The following GUCY1A1 variants were observed in gnomAD, a reference collection of about 807,000 sequenced individuals.
GUCY1A1 encodes guanylate cyclase soluble subunit alpha-1.
Under a neutral mutation model 64.5 loss-of-function variants are expected in GUCY1A1, and 48 were observed. The observed-to-expected ratio is 0.74, with a 90% CI of 0.59 to 0.95. The LOEUF (loss-of-function observed/expected upper bound fraction) is 0.95, where lower values mean the gene tolerates loss of function less well. Ranked by LOEUF, GUCY1A1 falls within the 40% of genes least tolerant of loss-of-function variation. The pLI is 0.00. For synonymous variants in GUCY1A1, 308 were observed against 303.4 expected (o/e 1.02, Z -0.16); for missense variants, 804 against 825.3 (o/e 0.97, Z 0.32).
intron 9 of GUCY1A1, among the ~76,000 whole-genome samples, chr4:155,722,761 A>G (rs144370652): frequency 2.0e-5 from 3 of 152,302 alleles, no homozygotes; most frequent in Non-Finnish European, 4.4e-5. Flanking sequence ...TTCGAAGGAT[A>G]CAAATCAGAA....
intron 2 of GUCY1A1, among the ~76,000 whole-genome samples, chr4:155,674,347 C>T (rs1266058979): frequency 3.3e-5 from 1 of 30,620 alleles, no homozygotes; most frequent in African/African-American, 1.3e-4. Context: ...GAGCGAGACT[C>T]CATCTAAAAA....
chr4:155,675,090 G>C (rs1354389725), intron 2 of GUCY1A1, among the ~76,000 whole-genome samples: 1 of 151,616 alleles, frequency 6.6e-6, no homozygotes, highest in East Asian at 1.9e-4. Flanking sequence ...GTCCATAGCT[G>C]ACAGAAACAT....
In GUCY1A1 at chr4:155,713,285, T is replaced by G; in HGVS notation, c.1274T>G (p.Leu425Arg). 2.5e-6 allele frequency: 4 copies of G among 1,614,118 alleles called. No homozygotes were observed. The highest frequency in any genetic ancestry group is 3.4e-6 in the Non-Finnish European group (4 of 1,180,018). Residue 425 changes from leucine to arginine, a missense_variant, in exon 7 of 10, where the codon CTG becomes CGG. Coordinates refer to ENST00000506455, the MANE Select transcript of GUCY1A1 (RefSeq NM_001130682.3). ...GAACAAGCCCGAGCTCAAGATGGCCTGAAGAAGAGGCTGGGGAAGCTGAAG... is the reference window on the plus strand; with the variant it reads ...GAACAAGCCCGAGCTCAAGATGGCCGGAAGAAGAGGCTGGGGAAGCTGAAG... ...IGEQARAQDG[L>R]KKRLGKLKAT...
chr4:155,726,192 G>A (rs1207005735), intron 9 of GUCY1A1, among the ~76,000 whole-genome samples: 2 of 151,376 alleles, frequency 1.3e-5, no homozygotes, highest in Admixed American at 6.6e-5. Context: ...TTTTATTCTC[G>A]TATATGAGAT....
chr4:155,691,918 T>G (rs1729790074), intron 2 of GUCY1A1, among the ~76,000 whole-genome samples: 1 of 152,178 alleles, frequency 6.6e-6, no homozygotes, highest in African/African-American at 2.4e-5. Context: ...ACCCATTAGT[T>G]ATTTTTCTTG....
rs563702622 is a variant in GUCY1A1, at chr4:155,734,470, T to G, written c.*4239T>G. 1 of 152,112 alleles carries G rather than the reference T, an allele frequency of 6.6e-6. No individual in the cohort carries two copies. Among genetic ancestry groups the G allele is most frequent in the Admixed American group, 6.6e-5 (1 of 15,254 alleles). The allele number at this position is 152,112 out of a possible 1,614,324, so 9.4% of individuals were successfully genotyped here. A position where few individuals can be genotyped will look rare whatever the true frequency, so the allele number is the denominator to read the frequency against. On this transcript the variant is annotated 3_prime_UTR_variant, in exon 10 of 10. Coordinates refer to ENST00000506455, the MANE Select transcript of GUCY1A1 (RefSeq NM_001130682.3). ...AAATTGAATCTTTGATACATATTTG[T>G]TGAGGAGCTTGTCAGATCACTACCT...
At chr4:155,680,860 G>T (rs1735632710) in intron 2 of GUCY1A1, among the ~76,000 whole-genome samples, 1 of 151,688 alleles carries the variant, frequency 6.6e-6, no homozygotes, top group Admixed American at 6.6e-5. Flanking sequence ...AGAGGCAGAA[G>T]AAAATTTGCA....
intron 2 of GUCY1A1, among the ~76,000 whole-genome samples, chr4:155,686,469 A>G (rs995230735): frequency 6.6e-6 from 1 of 152,234 alleles, no homozygotes; most frequent in African/African-American, 2.4e-5. Context: ...CTACAGAGCG[A>G]GACTCCGTCT....
chr4:155,687,378 T>TA (rs1340116078), intron 2 of GUCY1A1, among the ~76,000 whole-genome samples: 2 of 152,264 alleles, frequency 1.3e-5, no homozygotes, highest in African/African-American at 2.4e-5. Flanking sequence ...TATCTTTTTT[T>TA]AAAAAAATTA....
intron 9 of GUCY1A1, among the ~76,000 whole-genome samples, chr4:155,728,989 C>A (rs1477579800): frequency 6.6e-6 from 1 of 151,768 alleles, no homozygotes; most frequent in African/African-American, 2.4e-5. Flanking sequence ...TATTGTTTAG[C>A]AGATTACATA....
At chr4:155,722,371 A>C (rs890104884) in intron 9 of GUCY1A1, 179 bp downstream of exon 9, 2 of 1,409,304 alleles carry the variant, frequency 1.4e-6, no homozygotes, top group African/African-American at 2.9e-5. Context: ...TTAGCCTCCT[A>C]AGAATGACTT....
In GUCY1A1 at chr4:155,732,885, T is replaced by C. The variant is rs1735699618; in HGVS notation, c.*2654T>C. On this transcript the variant is annotated 3_prime_UTR_variant, in exon 10 of 10. Transcript: ENST00000506455. ...GTTGTTTTTTGTGTCGAGTACACTATATAAATTATCTCCTTATACATATTT... is the reference window on the plus strand; with the variant it reads ...GTTGTTTTTTGTGTCGAGTACACTACATAAATTATCTCCTTATACATATTT... Among the ~76,000 whole-genome samples, 1 of 151,912 alleles carries C rather than the reference T, an allele frequency of 6.6e-6. No homozygotes were observed. Among genetic ancestry groups the C allele is most frequent in the Non-Finnish European group, 1.5e-5 (1 of 67,898 alleles).
At position 155,730,863 on chromosome 4, in the gene GUCY1A1, GAAGTT is replaced by G. The variant is rs1735466144; in HGVS notation, c.*635_*639del. On this transcript the variant is annotated 3_prime_UTR_variant, in exon 10 of 10. Transcript: ENST00000506455. ...ATACCAAATATTATTTTTAGTTCTGGAAGTTAAAAATACTCTCCATAGTAACGTGT... is the reference window on the plus strand; with the variant it reads ...ATACCAAATATTATTTTTAGTTCTGGAAAAATACTCTCCATAGTAACGTGT... 1 of 152,778 alleles carries G rather than the reference GAAGTT, an allele frequency of 6.5e-6. No homozygotes were observed. The highest frequency in any genetic ancestry group is 6.6e-5 in the Admixed American group (1 of 15,160). The allele number at this position is 152,778 out of a possible 1,614,324, so 9.5% of individuals were successfully genotyped here.
At chr4:155,719,561 G>T (rs1733698020) in intron 8 of GUCY1A1, among the ~76,000 whole-genome samples, 1 of 152,106 alleles carries the variant, frequency 6.6e-6, no homozygotes, top group Non-Finnish European at 1.5e-5. Flanking sequence ...GAATTGAAGT[G>T]AAAGAATAGA....
At chr4:155,720,884 G>T (rs1242858695) in intron 8 of GUCY1A1, among the ~76,000 whole-genome samples, 1 of 152,052 alleles carries the variant, frequency 6.6e-6, no homozygotes, top group East Asian at 1.9e-4. Context: ...CTCCACTTTA[G>T]CTTGTTTTGT....
At chr4:155,675,761 A>C (rs1366669323) in intron 2 of GUCY1A1, among the ~76,000 whole-genome samples, 1 of 151,586 alleles carries the variant, frequency 6.6e-6, no homozygotes, top group African/African-American at 2.4e-5. Context: ...TATACTTTGG[A>C]GAACAAATTA....
At chr4:155,709,441 A>G (rs1340515507) in intron 5 of GUCY1A1, among the ~76,000 whole-genome samples, 1 of 152,216 alleles carries the variant, frequency 6.6e-6, no homozygotes, top group Non-Finnish European at 1.5e-5. Context: ...TTAATTAAGC[A>G]TACTATTATG....
chr4:155,688,767 G>A (rs1729344662), intron 2 of GUCY1A1, among the ~76,000 whole-genome samples: 1 of 151,348 alleles, frequency 6.6e-6, no homozygotes, highest in Non-Finnish European at 1.5e-5. Context: ...CAATGCTTAC[G>A]AGCACTAACA....
At chr4:155,700,517 A>G (rs886210763) in intron 3 of GUCY1A1, among the ~76,000 whole-genome samples, 1 of 152,190 alleles carries the variant, frequency 6.6e-6, no homozygotes, top group Non-Finnish European at 1.5e-5. Context: ...GTTGCATCAA[A>G]TAGCAGTTTT....
Sources: allele counts gnomAD v4.1 joint callset (sites outside exome capture counted in the v4.1 genomes callset), GRCh38; gene constraint gnomAD v4.1.1; transcripts MANE v1.5; gene names NCBI Gene and HGNC (gene_info 2026-07-23, HGNC 2026-07-21).